Variants in LRRC40 observed in about 807,000 individuals in gnomAD.
The protein encoded by LRRC40 is leucine-rich repeat-containing protein 40.
Under a neutral mutation model 72.8 loss-of-function variants are expected in LRRC40, and 76 were observed. That is an observed-to-expected ratio of 1.04 (90% CI 0.87 to 1.26). LRRC40 has a LOEUF of 1.26. Among genes scored for constraint, LRRC40 ranks in the 50% most tolerant of loss-of-function variants. The probability of loss-of-function intolerance (pLI) is 0.00; values close to 1 mark genes in which losing one functional copy is unlikely to be tolerated. For synonymous variants in LRRC40, 243 were observed against 254.2 expected (o/e 0.96, Z 0.42); for missense variants, 684 against 698.9 (o/e 0.98, Z 0.24).
At chr1:70,196,134 A>G (rs1668605274) in intron 1 of LRRC40, among the ~76,000 whole-genome samples, 1 of 152,240 alleles carries the variant, frequency 6.6e-6, no homozygotes, top group Admixed American at 6.5e-5. Flanking sequence ...AGACTATACA[A>G]GAAAGCTTAT....
In LRRC40 at chr1:70,205,451, C is replaced by T. The variant is rs1558133966; in HGVS notation, c.90G>A (p.Gly30=). 3 of 1,609,786 alleles carry T rather than the reference C, an allele frequency of 1.9e-6. No homozygotes were observed. The highest frequency in any genetic ancestry group is 1.7e-4 in the Middle Eastern group (1 of 6,046). The change falls in exon 1 of 15, where the codon GGG becomes GGA. Residue 30 remains glycine (G), a synonymous_variant. Coordinates refer to ENST00000370952, the MANE Select transcript of LRRC40 (RefSeq NM_017768.5). ...CGCTCTTCCTCGCTGCCTTCAACAGCCCTTGGGGTACCGAGGTACCGCAGT... is the reference window on the plus strand; with the variant it reads ...CGCTCTTCCTCGCTGCCTTCAACAGTCCTTGGGGTACCGAGGTACCGCAGT... ...GRDCGTSVPQ[G]LLKAARKSGQ...
intron 9 of LRRC40, among the ~76,000 whole-genome samples, chr1:70,159,901 T>C (rs952708083): frequency 1.2e-4 from 18 of 152,308 alleles, no homozygotes; most frequent in African/African-American, 3.8e-4. Context: ...TTTGACAATC[T>C]GCATAACTGA....
intron 1 of LRRC40, among the ~76,000 whole-genome samples, chr1:70,200,420 C>A (rs183046975): frequency 4.4e-4 from 67 of 151,728 alleles, no homozygotes; most frequent in Non-Finnish European, 1.3e-4. Flanking sequence ...ACTATCATGC[C>A]ACTGTACTCT....
At chr1:70,190,676 C>CCAAAAAAAAA (rs1483272385) in intron 1 of LRRC40, among the ~76,000 whole-genome samples, 1 of 18,146 alleles carries the variant, frequency 5.5e-5, no homozygotes, top group African/African-American at 7.8e-4. Context: ...GACCCTGTCT[C>CCAAAAAAAAA]TAAAAAAAAA....
At chr1:70,148,017 T>C (rs905496353) in intron 14 of LRRC40, 2 of 150,802 alleles carry the variant, frequency 1.3e-5, no homozygotes, top group Admixed American at 6.7e-5. Flanking sequence ...TGACATTCAA[T>C]AGGCCAATTA....
intron 7 of LRRC40, among the ~76,000 whole-genome samples, chr1:70,174,901 T>C (rs369264880): frequency 6.6e-6 from 1 of 152,158 alleles, no homozygotes; most frequent in African/African-American, 2.4e-5. Context: ...GTATGCTTGA[T>C]TGGTAAATTT....
At chr1:70,153,826 A>T (rs889198898) in intron 11 of LRRC40, among the ~76,000 whole-genome samples, 22 of 152,158 alleles carry the variant, frequency 1.4e-4, no homozygotes, top group African/African-American at 5.1e-4. Context: ...TACAAAAATT[A>T]GTGGGGTGTG....
At chr1:70,168,595 G>A (rs533426474) in intron 9 of LRRC40, among the ~76,000 whole-genome samples, 1 of 152,278 alleles carries the variant, frequency 6.6e-6, no homozygotes, top group African/African-American at 2.4e-5. Context: ...TGAAGGTTAT[G>A]GTAAAAGGCA....
At chr1:70,146,480 A>G (rs565889920) in intron 14 of LRRC40, among the ~76,000 whole-genome samples, 22 of 152,318 alleles carry the variant, frequency 1.4e-4, no homozygotes, top group African/African-American at 5.0e-4. Flanking sequence ...CAACAATCCT[A>G]TGATGTAAGT....
intron 3 of LRRC40, among the ~76,000 whole-genome samples, chr1:70,185,761 T>C (rs1481304010): frequency 2.6e-5 from 4 of 152,212 alleles, no homozygotes; most frequent in Non-Finnish European, 5.9e-5. Flanking sequence ...TCCACTCTTC[T>C]TCATACTTGG....
chr1:70,201,003 CT>C (rs1226186220), intron 1 of LRRC40, among the ~76,000 whole-genome samples: 1 of 152,112 alleles, frequency 6.6e-6, no homozygotes. Context: ...GAGATCCAGT[CT>C]CTACAAAAAA....
intron 1 of LRRC40, among the ~76,000 whole-genome samples, chr1:70,204,899 C>T (rs1458616473): frequency 6.6e-6 from 1 of 152,140 alleles, no homozygotes; most frequent in Non-Finnish European, 1.5e-5. Context: ...AGAAAATATA[C>T]TCATTATTCC....
chr1:70,204,047 T>C (rs1453644790), intron 1 of LRRC40, among the ~76,000 whole-genome samples: 1 of 152,264 alleles, frequency 6.6e-6, no homozygotes, highest in Non-Finnish European at 1.5e-5. Context: ...AACAATAACC[T>C]AAGCAGTTCT....
chr1:70,160,793 C>T (rs1445812067), intron 9 of LRRC40, among the ~76,000 whole-genome samples: 7 of 151,524 alleles, frequency 4.6e-5, no homozygotes, highest in African/African-American at 4.9e-5. Flanking sequence ...TATATCTTTG[C>T]GTATTGTTGT....
intron 1 of LRRC40, among the ~76,000 whole-genome samples, chr1:70,190,526 A>G (rs1668471447): frequency 6.6e-6 from 1 of 151,306 alleles, no homozygotes; most frequent in African/African-American, 2.4e-5. Flanking sequence ...TAAAAAAAAA[A>G]ATCAGCTGGT....
chr1:70,172,098 G>C (rs1353808735), intron 9 of LRRC40, among the ~76,000 whole-genome samples: 1 of 152,110 alleles, frequency 6.6e-6, no homozygotes, highest in African/African-American at 2.4e-5. Context: ...GAACCCTCAT[G>C]AACGGGAATA....
In LRRC40 at chr1:70,175,834, T is replaced by A. The variant is rs1367966397; in HGVS notation, c.953A>T (p.Asp318Val). 6 of 1,575,824 alleles carry A rather than the reference T, an allele frequency of 3.8e-6. No homozygotes were observed. Among genetic ancestry groups the A allele is most frequent in the Non-Finnish European group, 5.1e-6 (6 of 1,165,624 alleles). ...CCTACTAATATCATTGTTGCTTAGGTCAAGCCTTTCCAAGGACCGTAGTAG... is the reference window on the plus strand; with the variant it reads ...CCTACTAATATCATTGTTGCTTAGGACAAGCCTTTCCAAGGACCGTAGTAG... Reference protein sequence around the residue: ...IILLRSLERLDLSNNDISSLP... With the variant: ...IILLRSLERLVLSNNDISSLP... The change falls in exon 7 of 15, where the codon GAC becomes GTC. Residue 318 changes from aspartate to valine, a missense_variant. By Grantham distance (152) the Asp-to-Val change is radical. Transcript: ENST00000370952.
At chr1:70,173,566 C>G in intron 8 of LRRC40, 56 bp from the exon 9 acceptor site, 1 of 1,498,054 alleles carries the variant, frequency 6.7e-7, no homozygotes. Context: ...TTTTACAGAT[C>G]AACATATATG....
intron 1 of LRRC40, among the ~76,000 whole-genome samples, chr1:70,190,777 T>G (rs1336420737): frequency 6.6e-6 from 1 of 151,716 alleles, no homozygotes; most frequent in African/African-American, 2.4e-5. Context: ...TTACTCCTTA[T>G]GTCTGATTAT....
Sources: gnomAD v4.1 joint callset for allele counts (sites outside exome capture counted in the v4.1 genomes callset) on GRCh38, gnomAD v4.1.1 for gene constraint, MANE v1.5 for transcripts, NCBI Gene and HGNC (gene_info 2026-07-23, HGNC 2026-07-21) for gene names.